MRTFB: variants seen among roughly 807,000 people sequenced by gnomAD.
The protein encoded by MRTFB is myocardin-related transcription factor B.
Under a neutral mutation model 104.2 loss-of-function variants are expected in MRTFB, and 29 were observed. The observed-to-expected ratio is 0.28, with a 90% CI of 0.21 to 0.38. MRTFB has a LOEUF of 0.38. MRTFB is among the 10% of genes least tolerant of loss of function. The pLI, the probability that MRTFB is intolerant of heterozygous loss-of-function variation, is 1.00. For missense variants in MRTFB, 1,270 were observed against 1,341.6 expected (o/e 0.95, Z 0.83); for synonymous variants, 535 against 519.5 (o/e 1.03, Z -0.41).
intron 2 of MRTFB, among the ~76,000 whole-genome samples, chr16:14,114,347 A>AT (rs1207716362): frequency 2.0e-5 from 3 of 152,222 alleles, no homozygotes; most frequent in African/African-American, 7.2e-5. Context: ...TTTGAAGAGC[A>AT]TTTTAGGTAT....
chr16:14,258,633 G>C (rs2043621587), intron 16 of MRTFB, among the ~76,000 whole-genome samples: 2 of 152,192 alleles, frequency 1.3e-5, no homozygotes, highest in Admixed American at 1.3e-4. Flanking sequence ...AGTAGAACCA[G>C]ATTTAAATTC....
chr16:14,213,074 G>C (rs891834707), intron 5 of MRTFB, among the ~76,000 whole-genome samples: 1 of 152,088 alleles, frequency 6.6e-6, no homozygotes, highest in East Asian at 1.9e-4. Flanking sequence ...TATAAAACCT[G>C]TATGAAGGCT....
chr16:14,122,879 A>G (rs930477021), intron 2 of MRTFB, among the ~76,000 whole-genome samples: 2 of 152,216 alleles, frequency 1.3e-5, no homozygotes, highest in Non-Finnish European at 2.9e-5. Context: ...GTCTTCGACA[A>G]TGGTTGAACT....
At chr16:14,127,663 A>G (rs1230410112) in intron 2 of MRTFB, among the ~76,000 whole-genome samples, 1 of 149,924 alleles carries the variant, frequency 6.7e-6, no homozygotes, top group Non-Finnish European at 1.5e-5. Context: ...AAAAAAAATA[A>G]TGACGAAAAT....
the MRTFB span, chr16:14,019,185 G>A: frequency 6.6e-6 from 1 of 152,244 alleles, no homozygotes; most frequent in African/African-American, 2.4e-5. Context: ...GGGTGATGGT[G>A]ACTGGTGCCA....
At chr16:14,179,152 C>T (rs756947645) in intron 3 of MRTFB, among the ~76,000 whole-genome samples, 4 of 152,190 alleles carry the variant, frequency 2.6e-5, no homozygotes, top group Non-Finnish European at 5.9e-5. Context: ...AAACACTTTG[C>T]ATATTAATTA....
the MRTFB span, among the ~76,000 whole-genome samples, chr16:14,057,203 A>C: frequency 2.0e-5 from 3 of 152,182 alleles, no homozygotes; most frequent in African/African-American, 7.2e-5. Flanking sequence ...TCCAGCCAAA[A>C]AATGAGTCAG....
the MRTFB span, among the ~76,000 whole-genome samples, chr16:14,053,134 C>T: frequency 6.6e-6 from 1 of 152,016 alleles, no homozygotes; most frequent in East Asian, 1.9e-4. Flanking sequence ...CTACATTGCC[C>T]AGGCTGGTCT....
chr16:14,120,584 G>C lies in MRTFB; in HGVS notation c.-63-19960G>C, dbSNP rs145588010. 1.1e-3 allele frequency among the ~76,000 whole-genome samples: 174 copies of C among 152,266 alleles called. 2 individuals are homozygous for C. The highest frequency in any genetic ancestry group is 4.1e-3 in the African/African-American group (172 of 41,536). The stretch of plus-strand genomic sequence containing the variant: ...CTGATTTGTGATGCCACCTTATCAC[G>C]TATTCAGTTTCCTTAGTATACATGG... On this transcript the variant is annotated intron_variant, in intron 2 of 16. Transcript: ENST00000571589.
chr16:14,125,270 G>A (rs1319447296), intron 2 of MRTFB, among the ~76,000 whole-genome samples: 2 of 152,236 alleles, frequency 1.3e-5, no homozygotes, highest in South Asian at 2.1e-4. Flanking sequence ...AGGCCACCTC[G>A]GCAAGGGTGT....
intron 3 of MRTFB, among the ~76,000 whole-genome samples, chr16:14,159,299 G>A (rs1440761011): frequency 6.6e-6 from 1 of 152,178 alleles, no homozygotes; most frequent in African/African-American, 2.4e-5. Context: ...TCAATTTTGT[G>A]TGTTTTCATT....
At chr16:14,017,610 T>C in the MRTFB span, among the ~76,000 whole-genome samples, 39 of 22,258 alleles carry the variant, frequency 1.8e-3, 1 homozygote, top group Admixed American at 0.026. Flanking sequence ...TATATATATA[T>C]ATATATATAT....
At chr16:14,184,474 G>A (rs1045581095) in intron 3 of MRTFB, among the ~76,000 whole-genome samples, 6 of 151,996 alleles carry the variant, frequency 3.9e-5, no homozygotes, top group Non-Finnish European at 5.9e-5. Context: ...CGCCCACCTC[G>A]GCCTACCAAA....
In MRTFB at chr16:14,140,637, G is replaced by C; in HGVS notation, c.31G>C (p.Asp11His). MDHTGAIDTE[D>H]EVGPLAHLAP... ...TCACACAGGGGCGATAGACACCGAG[G>C]ATGAAGTGGGACCTTTAGCCCATCT... Residue 11 changes from aspartate (D) to histidine (H), a missense_variant, in exon 3 of 17, where the codon GAT becomes CAT. By Grantham distance (81) the Asp-to-His change is moderately conservative (BLOSUM62 -1). Coordinates refer to ENST00000571589, the MANE Select transcript of MRTFB (RefSeq NM_001308142.2). 2.5e-6 allele frequency: 4 copies of C among 1,614,198 alleles called. No homozygotes were observed. Among genetic ancestry groups the C allele is most frequent in the Non-Finnish European group, 3.4e-6 (4 of 1,180,040 alleles).
At chr16:14,105,533 A>G (rs1314618421) in intron 2 of MRTFB, among the ~76,000 whole-genome samples, 1 of 151,750 alleles carries the variant, frequency 6.6e-6, no homozygotes, top group Non-Finnish European at 1.5e-5. Context: ...GAGTAGCTGG[A>G]ACTATAGGCA....
intron 8 of MRTFB, among the ~76,000 whole-genome samples, chr16:14,224,275 A>ATTGT (rs2041895509): frequency 3.3e-5 from 5 of 150,238 alleles, no homozygotes; most frequent in Admixed American, 3.3e-4. Flanking sequence ...TTATATCAGC[A>ATTGT]TTGTTTGACA....
intron 2 of MRTFB, among the ~76,000 whole-genome samples, chr16:14,093,401 G>C (rs1468529069): frequency 6.6e-6 from 1 of 151,634 alleles, no homozygotes; most frequent in Non-Finnish European, 1.5e-5. Context: ...TTTTAAATTT[G>C]CAGTACAGAT....
At chr16:14,253,088 T>G (rs2043320318) in intron 15 of MRTFB, among the ~76,000 whole-genome samples, 1 of 152,162 alleles carries the variant, frequency 6.6e-6, no homozygotes, top group African/African-American at 2.4e-5. Flanking sequence ...CTTCCTTGTT[T>G]GACTGATAAA....
chr16:14,009,502 C>T, the MRTFB span: 3 of 152,234 alleles, frequency 2.0e-5, no homozygotes, highest in African/African-American at 7.2e-5. Context: ...GATACCTCTT[C>T]TTTTCTCTTG....
Sources: gnomAD v4.1 joint callset for allele counts (sites outside exome capture counted in the v4.1 genomes callset) on GRCh38, gnomAD v4.1.1 for gene constraint, MANE v1.5 for transcripts, NCBI Gene and HGNC (gene_info 2026-07-23, HGNC 2026-07-21) for gene names.